AP3S1: variants seen among roughly 807,000 people sequenced by gnomAD.
AP3S1 encodes adaptor related protein complex 3 subunit sigma 1.
In AP3S1, 12 loss-of-function variants were observed where a neutral mutation model predicts 21.3. The observed-to-expected ratio is 0.56, with a 90% CI of 0.36 to 0.91. AP3S1 has a LOEUF of 0.91. AP3S1 is among the 40% of genes least tolerant of loss of function. AP3S1 has a pLI of 0.01. For synonymous variants in AP3S1, 48 were observed against 78.4 expected, an observed-to-expected ratio of 0.61 and a Z score of 2.05; for missense variants, 116 against 225.0, an observed-to-expected ratio of 0.52 and a Z score of 3.10.
chr5:115,842,109 G>A lies in AP3S1; in HGVS notation c.69+3G>A. 9.1e-7 allele frequency: 1 copy of A among 1,104,584 alleles called. No individual in the cohort carries two copies. Among genetic ancestry groups the A allele is most frequent in the African/African-American group, 1.9e-5 (1 of 52,788 alleles). 68.4% of individuals were successfully genotyped at this position (1,104,584 alleles called of 1,614,324 possible). A position where few individuals can be genotyped will look rare whatever the true frequency, so the allele number is the denominator to read the frequency against. ...TCTCCAAGTTCTACCAGCCCTACGTGAGTATCCAGCCGCCGCTGATCCGGG... is the reference window on the plus strand; with the variant it reads ...TCTCCAAGTTCTACCAGCCCTACGTAAGTATCCAGCCGCCGCTGATCCGGG... On this transcript the variant is annotated splice_donor_region_variant and intron_variant, in intron 1 of 5. Coordinates refer to ENST00000316788, the MANE Select transcript of AP3S1 (RefSeq NM_001284.4).
chr5:115,908,201 T>C (rs1751814561), intron 5 of AP3S1, among the ~76,000 whole-genome samples: 2 of 152,192 alleles, frequency 1.3e-5, no homozygotes, highest in Admixed American at 6.5e-5. Flanking sequence ...GTCCCTCATA[T>C]AGAGAATACA....
intron 3 of AP3S1, among the ~76,000 whole-genome samples, chr5:115,873,610 G>T (rs2112849419): frequency 6.6e-6 from 1 of 152,246 alleles, no homozygotes; most frequent in African/African-American, 2.4e-5. Flanking sequence ...AAGAGGGAGT[G>T]TACTGAGCAC....
At chr5:115,889,143 C>T (rs1428958229) in intron 3 of AP3S1, among the ~76,000 whole-genome samples, 2 of 151,990 alleles carry the variant, frequency 1.3e-5, no homozygotes, top group African/African-American at 2.4e-5. Flanking sequence ...CTTTTTTGCC[C>T]AATATAATCT....
intron 3 of AP3S1, among the ~76,000 whole-genome samples, chr5:115,879,809 A>G (rs1011879978): frequency 1.3e-5 from 2 of 152,180 alleles, no homozygotes; most frequent in Admixed American, 6.5e-5. Flanking sequence ...CTCTGGTAGA[A>G]TTCGGCTGTC....
At chr5:115,897,733 T>G (rs1317366376) in intron 4 of AP3S1, among the ~76,000 whole-genome samples, 2 of 151,996 alleles carry the variant, frequency 1.3e-5, no homozygotes, top group East Asian at 3.9e-4. Flanking sequence ...CTAATTTTTT[T>G]GTATTTTTTT....
intron 1 of AP3S1, among the ~76,000 whole-genome samples, chr5:115,854,863 GAC>G (rs1188187479): frequency 6.6e-6 from 1 of 151,930 alleles, no homozygotes; most frequent in East Asian, 1.9e-4. Context: ...CTTTGAAGAT[GAC>G]AGTCTTGCTG....
At chr5:115,876,538 C>T (rs1748730716) in intron 3 of AP3S1, among the ~76,000 whole-genome samples, 1 of 152,048 alleles carries the variant, frequency 6.6e-6, no homozygotes, top group Non-Finnish European at 1.5e-5. Flanking sequence ...AGCTATTAAC[C>T]CAAGAAATTA....
At chr5:115,885,422 C>T (rs1266391048) in intron 3 of AP3S1, among the ~76,000 whole-genome samples, 1 of 152,136 alleles carries the variant, frequency 6.6e-6, no homozygotes. Context: ...GGTGTAAATC[C>T]AAGAGTCCAA....
chr5:115,863,737 T>C (rs1222746636), intron 1 of AP3S1, among the ~76,000 whole-genome samples: 1 of 152,148 alleles, frequency 6.6e-6, no homozygotes, highest in African/African-American at 2.4e-5. Flanking sequence ...TAGAATATGA[T>C]TTGAGAAAAA....
chr5:115,845,727 G>T (rs1023183916), intron 1 of AP3S1, among the ~76,000 whole-genome samples: 2 of 150,896 alleles, frequency 1.3e-5, no homozygotes, highest in Non-Finnish European at 1.5e-5. Flanking sequence ...GCAGCTACTC[G>T]CTCGAGGCTG....
intron 1 of AP3S1, among the ~76,000 whole-genome samples, chr5:115,866,367 A>G (rs1469273022): frequency 6.6e-6 from 1 of 152,294 alleles, no homozygotes; most frequent in East Asian, 1.9e-4. Flanking sequence ...TGACTAGTTA[A>G]TATCTAGTTT....
Position 115,902,879 on chromosome 5 carries a change from CT to C in AP3S1, c.346-3del. On this transcript the variant is annotated splice_polypyrimidine_tract_variant and splice_region_variant and intron_variant, in intron 4 of 5. Coordinates refer to ENST00000316788, the MANE Select transcript of AP3S1 (RefSeq NM_001284.4). ...TTATGGGTATATATTCTTTTATTCC[CT>C]TTAGGTTCACAATATTCTTGCAGAA... is the stretch of plus-strand genomic sequence containing the variant. 1 of 242,030 alleles carries C rather than the reference CT, an allele frequency of 4.1e-6. No individual in the cohort carries two copies. The highest frequency in any genetic ancestry group is 9.0e-5 in the South Asian group (1 of 11,086). 15.0% of individuals were successfully genotyped at this position (242,030 alleles called of 1,614,324 possible).
At chr5:115,894,985 A>G (rs1347999637) in intron 3 of AP3S1, 102 bp from the exon 4 acceptor site, 3 of 710,912 alleles carry the variant, frequency 4.2e-6, no homozygotes, top group Non-Finnish European at 6.8e-6. Context: ...AGATAAATGT[A>G]TAATACAAAA....
At chr5:115,873,281 A>G (rs1748428422) in intron 3 of AP3S1, among the ~76,000 whole-genome samples, 1 of 152,106 alleles carries the variant, frequency 6.6e-6, no homozygotes, top group Admixed American at 6.5e-5. Context: ...TCTGTCATGT[A>G]CTCGTGGAAA....
At chr5:115,879,909 C>T (rs975114245) in intron 3 of AP3S1, among the ~76,000 whole-genome samples, 9 of 152,200 alleles carry the variant, frequency 5.9e-5, no homozygotes, top group Admixed American at 4.6e-4. Context: ...TTCAGAGATT[C>T]GACTTCTTCC....
intron 5 of AP3S1, among the ~76,000 whole-genome samples, chr5:115,909,966 A>G (rs1215327375): frequency 6.6e-6 from 1 of 152,232 alleles, no homozygotes; most frequent in Non-Finnish European, 1.5e-5. Context: ...AGTATAATGC[A>G]ATAAAAGTCA....
At chr5:115,842,347 G>C (rs1296108721) in intron 1 of AP3S1, 4 of 491,796 alleles carry the variant, frequency 8.1e-6, no homozygotes, top group African/African-American at 2.1e-5. Context: ...TCGGTGGGCT[G>C]CATGCTTTCC....
intron 2 of AP3S1, 62 bp from the exon 3 acceptor site, chr5:115,869,955 T>G: frequency 9.7e-6 from 10 of 1,034,018 alleles, no homozygotes; most frequent in Non-Finnish European, 1.3e-5. Context: ...TCAGTTTGCT[T>G]GAGCTAATGA....
chr5:115,847,927 C>G (rs1050041159), intron 1 of AP3S1, among the ~76,000 whole-genome samples: 1 of 152,060 alleles, frequency 6.6e-6, no homozygotes, highest in Non-Finnish European at 1.5e-5. Context: ...TCGAAAAACC[C>G]AAATGCTTAT....
Sources: gnomAD v4.1 joint callset for allele counts (sites outside exome capture counted in the v4.1 genomes callset) on GRCh38, gnomAD v4.1.1 for gene constraint, MANE v1.5 for transcripts, NCBI Gene and HGNC (gene_info 2026-07-23, HGNC 2026-07-21) for gene names.